Variants in CFLAR observed in about 807,000 individuals in gnomAD.
CFLAR encodes the protein CASP8 and FADD like apoptosis regulator, also known as CASP8 and FADD-like apoptosis regulator.
In CFLAR, 14 loss-of-function variants were observed where a neutral mutation model predicts 51.1. That is an observed-to-expected ratio of 0.27 (90% CI 0.18 to 0.43). CFLAR has a LOEUF of 0.43. Ranked by LOEUF, CFLAR falls within the 20% of genes least tolerant of loss-of-function variation. CFLAR has a pLI of 1.00. For missense variants in CFLAR, 390 were observed against 566.5 expected (o/e 0.69, Z 3.16); for synonymous variants, 210 against 211.6 (o/e 0.99, Z 0.06).
At chr2:201,133,627 G>C (rs1186557949) in intron 3 of CFLAR, among the ~76,000 whole-genome samples, 2 of 152,188 alleles carry the variant, frequency 1.3e-5, no homozygotes, top group East Asian at 3.9e-4. Flanking sequence ...TAAAAGTAGA[G>C]ATTTAGAGTT....
intron 5 of CFLAR, chr2:201,144,013 A>G (rs923736065): frequency 6.6e-6 from 1 of 152,182 alleles, no homozygotes; most frequent in African/African-American, 2.4e-5. Context: ...TCCATCTTTG[A>G]TTTGATATGT....
chr2:201,142,440 C>T (rs1939143575), intron 5 of CFLAR, among the ~76,000 whole-genome samples: 1 of 152,004 alleles, frequency 6.6e-6, no homozygotes, highest in African/African-American at 2.4e-5. Flanking sequence ...ATTATATTAT[C>T]CAACTCCCTT....
chr2:201,152,253 C>T (rs1941407040), intron 8 of CFLAR, among the ~76,000 whole-genome samples: 1 of 152,144 alleles, frequency 6.6e-6, no homozygotes, highest in Admixed American at 6.6e-5. Flanking sequence ...ACCTCGGCCT[C>T]CCAAAGTGCT....
chr2:201,134,823 G>A (rs1478401092), intron 3 of CFLAR, among the ~76,000 whole-genome samples: 1 of 151,104 alleles, frequency 6.6e-6, no homozygotes, highest in Non-Finnish European at 1.5e-5. Context: ...GTGCCTGCCT[G>A]TAACGATTCA....
chr2:201,120,114 A>C (rs2048052928), intron 1 of CFLAR, among the ~76,000 whole-genome samples: 1 of 138,878 alleles, frequency 7.2e-6, no homozygotes, highest in African/African-American at 2.8e-5. Context: ...CTCTAACTCT[A>C]GGCTCAAGCA....
rs2049062800 is a variant in CFLAR, at chr2:201,129,739, C to G, written c.-127C>G. 1 of 885,132 alleles carries G rather than the reference C, an allele frequency of 1.1e-6. No individual in the cohort carries two copies. Among genetic ancestry groups the G allele is most frequent in the African/African-American group, 1.7e-5 (1 of 59,616 alleles). 54.8% of individuals were successfully genotyped at this position (885,132 alleles called of 1,614,324 possible). Reference sequence around the variant, plus strand: ...CCCTTTTAACCACAGAACTCCCCCACTGGAAAGGATTCTGAAAGAAATGAA... The same window carrying G: ...CCCTTTTAACCACAGAACTCCCCCAGTGGAAAGGATTCTGAAAGAAATGAA... On this transcript the variant is annotated 5_prime_UTR_variant, in exon 2 of 10. Coordinates refer to ENST00000309955, the MANE Select transcript of CFLAR (RefSeq NM_003879.7).
At chr2:201,161,284 T>C (rs1038850987) in intron 9 of CFLAR, among the ~76,000 whole-genome samples, 1 of 152,146 alleles carries the variant, frequency 6.6e-6, no homozygotes, top group Non-Finnish European at 1.5e-5. Context: ...GGTAGGAGGA[T>C]TGCTTGAGCC....
At position 201,155,266 on chromosome 2, in the gene CFLAR, GT is replaced by G. The variant is rs879559939; in HGVS notation, c.794-5152del. ...CGATGTTTGCAGATTTTAAGAGGAA[GT>G]TTTTTTTTTTTTTGAGACAGAGTCT... On this transcript the variant is annotated intron_variant, in intron 8 of 9. Transcript: ENST00000309955. Among the ~76,000 whole-genome samples the G allele has an allele frequency of 5.0e-3, 726 of 145,274 alleles. 5 individuals carry two copies. The highest frequency in any genetic ancestry group is 0.016 in the African/African-American group (638 of 39,912).
rs1165158102 is a variant in CFLAR at position 201,160,553 on chromosome 2, C to T, written c.915C>T (p.Tyr305=). ...QFACMPEHRD[Y]DSFVCVLVSR... ...CCTGTATGCCCGAGCACCGAGACTA[C>T]GACAGCTTTGTGTGTGTCCTGGTGA... The change falls in exon 9 of 10, where the codon TAC becomes TAT. Residue 305 remains tyrosine (Y), a synonymous_variant. Transcript: ENST00000309955. 3.1e-6 allele frequency: 5 copies of T among 1,613,314 alleles called. No individual in the cohort carries two copies. In the South Asian group the frequency reaches 3.3e-5, roughly 11 times the overall value.
chr2:201,125,222 T>A (rs1476109190), intron 1 of CFLAR, among the ~76,000 whole-genome samples: 2 of 152,168 alleles, frequency 1.3e-5, no homozygotes, highest in Admixed American at 6.5e-5. Flanking sequence ...GGACTGAGTG[T>A]GGCTGTGTAG....
intron 1 of CFLAR, chr2:201,119,042 C>T (rs1437285875): frequency 6.6e-6 from 1 of 152,218 alleles, no homozygotes; most frequent in Non-Finnish European, 1.5e-5. Context: ...CCTTGAGCCT[C>T]CAGAGGACTC....
In CFLAR at chr2:201,172,064, G is replaced by T. The variant is rs1181361240; in HGVS notation, c.*8091G>T. 1 of 152,098 alleles carries T rather than the reference G, an allele frequency of 6.6e-6. No individual in the cohort carries two copies. The highest frequency in any genetic ancestry group is 2.4e-5 in the African/African-American group (1 of 41,420). 9.4% of individuals were successfully genotyped at this position (152,098 alleles called of 1,614,324 possible). ...ACTATTTCGTGTGAATCTCCTCCAA[G>T]CCTTCTTTTCATTTTATATCTCATG... On this transcript the variant is annotated 3_prime_UTR_variant, in exon 10 of 10. Transcript: ENST00000309955.
chr2:201,138,076 A>AGCC lies in CFLAR; in HGVS notation c.523+1972_523+1974dup. The AGCC allele has an allele frequency of 1.4e-6, 1 of 731,054 alleles. No individual in the cohort carries two copies. Among genetic ancestry groups the AGCC allele is most frequent in the Non-Finnish European group, 2.5e-6 (1 of 393,248 alleles). The allele number at this position is 731,054 out of a possible 1,614,324, so 45.3% of individuals were successfully genotyped here. ...ATCACTTCCTGGTTGATGTAGATGG[A>AGCC]GCCGCGCAGTCCATGCCCCTGCCCA... On this transcript the variant is annotated intron_variant, in intron 4 of 9. Transcript: ENST00000309955. This position sits in a 1 kb window ranked among gnomAD's most constrained non-coding sequence, Gnocchi z 4.0.
intron 8 of CFLAR, among the ~76,000 whole-genome samples, chr2:201,158,159 C>T (rs1247950139): frequency 6.6e-6 from 1 of 152,224 alleles, no homozygotes; most frequent in African/African-American, 2.4e-5. Flanking sequence ...AAGATTCAGA[C>T]CCTAGTAGGA....
Position 201,118,207 on chromosome 2 carries a change from TTA to T in CFLAR, c.-138+1728_-138+1729del, listed in dbSNP as rs2047806603. On this transcript the variant is annotated intron_variant, in intron 1 of 9. Transcript: ENST00000309955. This position sits in a 1 kb window ranked among gnomAD's most constrained non-coding sequence, Gnocchi z 5.1. ...GTTAAAATGGCTTTCTCTAGCGACT[TTA>T]TGTTTTACGTTTCTGTTTGTAACTG... Among the ~76,000 whole-genome samples, 1 of 152,254 alleles carries T rather than the reference TTA, an allele frequency of 6.6e-6. No individual in the cohort carries two copies. The highest frequency in any genetic ancestry group is 2.4e-5 in the African/African-American group (1 of 41,464).
At chr2:201,156,128 A>G (rs1051806705) in intron 8 of CFLAR, among the ~76,000 whole-genome samples, 6 of 152,192 alleles carry the variant, frequency 3.9e-5, no homozygotes, top group African/African-American at 1.4e-4. Flanking sequence ...AGTACATCAT[A>G]TATTTGATAT....
At position 201,138,791 on chromosome 2, in the gene CFLAR, A is replaced by G. The variant is rs1162973437; in HGVS notation, c.524-1566A>G. On this transcript the variant is annotated intron_variant, in intron 4 of 9. Coordinates refer to ENST00000309955, the MANE Select transcript of CFLAR (RefSeq NM_003879.7). This position sits in a 1 kb window ranked among gnomAD's most constrained non-coding sequence, Gnocchi z 4.0. ...CTGGGGTGCAGTTGTGGTGAATGAA[A>G]CCAGTACCTCCCATCAGAGCCATCA... is the stretch of plus-strand genomic sequence containing the variant. 9.2e-6 allele frequency: 7 copies of G among 764,086 alleles called. No homozygotes were observed. Among genetic ancestry groups the G allele is most frequent in the Non-Finnish European group, 1.4e-5 (6 of 415,972 alleles). 47.3% of individuals were successfully genotyped at this position (764,086 alleles called of 1,614,324 possible). A position where few individuals can be genotyped will look rare whatever the true frequency, so the allele number is the denominator to read the frequency against.
chr2:201,145,534 CTAAG>C (rs1361424560), intron 6 of CFLAR, 102 bp downstream of exon 6: 13 of 759,250 alleles, frequency 1.7e-5, no homozygotes, highest in East Asian at 1.3e-4. Flanking sequence ...TCTACATAAT[CTAAG>C]TAAGCTCTCA....
chr2:201,149,893 A>G, intron 8 of CFLAR, 58 bp downstream of exon 8: 3 of 1,295,090 alleles, frequency 2.3e-6, no homozygotes, highest in Non-Finnish European at 3.4e-6. Flanking sequence ...TGGCACAGGC[A>G]AGCTGTATTC....
Sources: gnomAD v4.1 joint callset for allele counts (sites outside exome capture counted in the v4.1 genomes callset) on GRCh38, gnomAD v4.1.1 for gene constraint, Gnocchi (gnomAD v3.1) non-coding constraint, MANE v1.5 for transcripts, NCBI Gene and HGNC (gene_info 2026-07-23, HGNC 2026-07-21) for gene names.